ZNF560: variants seen among roughly 807,000 people sequenced by gnomAD.
ZNF560 encodes zinc finger protein 560.
A neutral mutation model predicts 81.8 loss-of-function variants in ZNF560; 54 were observed. The ratio of observed to expected loss-of-function variants is 0.66; its 90% CI spans 0.53 to 0.83. ZNF560 has a LOEUF of 0.83. Among genes scored for constraint, ZNF560 ranks in the 40% least tolerant of loss-of-function variants. The pLI is 0.00. For missense variants in ZNF560, 940 were observed against 932.4 expected (o/e 1.01, Z -0.11); for synonymous variants, 321 against 317.9 (o/e 1.01, Z -0.10).
the ZNF560 span, among the ~76,000 whole-genome samples, chr19:9,504,122 T>C: frequency 7.7e-3 from 1,172 of 152,290 alleles, 12 homozygotes; most frequent in Non-Finnish European, 9.6e-3. Flanking sequence ...ACTTTATATA[T>C]ATTCAGTGCT....
In ZNF560 at chr19:9,466,817, T is replaced by A; in HGVS notation, c.2130A>T (p.Lys710Asn). Residue 710 changes from lysine (K) to asparagine (N), a missense_variant, in exon 10 of 10, where the codon AAA (lysine) becomes AAT (asparagine). Lys to Asn is a moderately conservative substitution (Grantham distance 94, BLOSUM62 0). Transcript: ENST00000301480. The part of the protein sequence containing the change: ...HDRLKTLTKI[K>N]PYKCKDCGKA... ...TCCCACAGTCCTTACATTTATAGGG[T>A]TTTATTTTGGTGAGAGTTTTTAAGC... 1 of 1,610,598 alleles carries A rather than the reference T, an allele frequency of 6.2e-7. No homozygotes were observed. Among genetic ancestry groups the A allele is most frequent in the Non-Finnish European group, 8.5e-7 (1 of 1,179,088 alleles).
At chr19:9,473,155 A>C in intron 5 of ZNF560, 24 bp downstream of exon 5, 1 of 1,600,832 alleles carries the variant, frequency 6.2e-7, no homozygotes, top group South Asian at 1.1e-5. Context: ...TCACTGACCA[A>C]GGTTGTTCTT....
chr19:9,501,295 G>A (rs2073630624), upstream of ZNF560, among the ~76,000 whole-genome samples: 1 of 147,598 alleles, frequency 6.8e-6, no homozygotes, highest in Non-Finnish European at 1.5e-5. Flanking sequence ...CAAGAAGCTA[G>A]GACCACAGAC....
chr19:9,504,450 T>A, the ZNF560 span, among the ~76,000 whole-genome samples: 29 of 151,728 alleles, frequency 1.9e-4, no homozygotes, highest in Admixed American at 1.7e-3. Flanking sequence ...AAATAAAAAT[T>A]AAAAAAAATA....
the ZNF560 span, among the ~76,000 whole-genome samples, chr19:9,506,340 A>G: frequency 6.6e-6 from 1 of 151,896 alleles, no homozygotes; most frequent in Non-Finnish European, 1.5e-5. Context: ...TTCCAAAGTT[A>G]TATTATTTGA....
intron 2 of ZNF560, among the ~76,000 whole-genome samples, chr19:9,493,984 T>C (rs908616728): frequency 6.6e-6 from 1 of 151,348 alleles, no homozygotes; most frequent in African/African-American, 2.4e-5. Context: ...AATACAAAAA[T>C]TAGCTGGGCG....
the ZNF560 span, among the ~76,000 whole-genome samples, chr19:9,451,429 T>G: frequency 1.3e-5 from 2 of 152,202 alleles, no homozygotes; most frequent in Non-Finnish European, 2.9e-5. Flanking sequence ...TGCAGAAGAA[T>G]AAAACTGGAT....
At chr19:9,452,499 C>G in the ZNF560 span, among the ~76,000 whole-genome samples, 1 of 152,158 alleles carries the variant, frequency 6.6e-6, no homozygotes, top group African/African-American at 2.4e-5. Flanking sequence ...TGGAATCAAC[C>G]TAAATGCCAA....
chr19:9,451,944 C>T, the ZNF560 span, among the ~76,000 whole-genome samples: 2 of 151,942 alleles, frequency 1.3e-5, no homozygotes, highest in African/African-American at 2.4e-5. Flanking sequence ...GGCATGGTGG[C>T]GAACATCTGT....
chr19:9,448,051 G>A, the ZNF560 span, among the ~76,000 whole-genome samples: 34 of 152,244 alleles, frequency 2.2e-4, no homozygotes, highest in African/African-American at 7.5e-4. Context: ...AAGACTGGGG[G>A]CCTATTTTCA....
upstream of ZNF560, among the ~76,000 whole-genome samples, chr19:9,500,953 G>C (rs1038392271): frequency 7.4e-5 from 11 of 149,366 alleles, no homozygotes; most frequent in African/African-American, 2.7e-4. Flanking sequence ...TGATTCTGTG[G>C]GATTTTTTGT....
chr19:9,448,797 TCA>T, the ZNF560 span, among the ~76,000 whole-genome samples: 1 of 152,092 alleles, frequency 6.6e-6, no homozygotes, highest in African/African-American at 2.4e-5. Flanking sequence ...GAGACCTATC[TCA>T]CACATATGAG....
chr19:9,449,996 A>AAAAAAAC, the ZNF560 span, among the ~76,000 whole-genome samples: 47 of 115,856 alleles, frequency 4.1e-4, no homozygotes, highest in African/African-American at 1.2e-3. Flanking sequence ...AAAAAAAAAA[A>AAAAAAAC]AACAACTGAA....
At chr19:9,477,784 C>T (rs886293481) in intron 2 of ZNF560, among the ~76,000 whole-genome samples, 4 of 151,644 alleles carry the variant, frequency 2.6e-5, no homozygotes, top group African/African-American at 7.3e-5. Context: ...AAATGAAAAA[C>T]GCAATTGAGA....
downstream of ZNF560, among the ~76,000 whole-genome samples, chr19:9,461,933 C>G (rs28838691): frequency 0.048 from 7,350 of 152,200 alleles, 609 homozygotes; most frequent in African/African-American, 0.17. Context: ...GGATTGGCAG[C>G]CATAAATCCT....
upstream of ZNF560, among the ~76,000 whole-genome samples, chr19:9,500,762 A>G (rs1440354830): frequency 6.6e-6 from 1 of 152,000 alleles, no homozygotes; most frequent in Non-Finnish European, 1.5e-5. Flanking sequence ...TTTTTAGTAG[A>G]GACGGGGTTT....
chr19:9,471,211 A>C, intron 6 of ZNF560, 85 bp downstream of exon 6: 1 of 1,020,842 alleles, frequency 9.8e-7, no homozygotes, highest in Non-Finnish European at 1.4e-6. Context: ...ATTCCTCTCA[A>C]TTATCTTTTG....
At chr19:9,503,217 G>A (rs1234948138), upstream of ZNF560, among the ~76,000 whole-genome samples, 1 of 152,032 alleles carries the variant, frequency 6.6e-6, no homozygotes, top group Non-Finnish European at 1.5e-5. Flanking sequence ...GCCAGACCTT[G>A]TCTCAAATAA....
upstream of ZNF560, among the ~76,000 whole-genome samples, chr19:9,502,728 T>A (rs895362846): frequency 6.6e-6 from 1 of 152,212 alleles, no homozygotes. Context: ...ATTTAGGTTA[T>A]CTAACTAGTT....
Sources: gnomAD v4.1 joint callset for allele counts (sites outside exome capture counted in the v4.1 genomes callset) on GRCh38, gnomAD v4.1.1 for gene constraint, MANE v1.5 for transcripts, NCBI Gene and HGNC (gene_info 2026-07-23, HGNC 2026-07-21) for gene names.